DLST: variants seen among roughly 807,000 people sequenced by gnomAD.
DLST encodes the protein dihydrolipoyllysine-residue succinyltransferase component of 2-oxoglutarate dehydrogenase complex, mitochondrial.
DLST carries 17 observed loss-of-function variants against 53.1 expected under a neutral mutation model. The ratio of observed to expected loss-of-function variants is 0.32; its 90% CI spans 0.22 to 0.48. DLST has a LOEUF of 0.48. Among genes scored for constraint, DLST ranks in the 20% least tolerant of loss-of-function variants. The probability of loss-of-function intolerance (pLI) is 0.99; values close to 1 mark genes in which losing one functional copy is unlikely to be tolerated. For synonymous variants in DLST, 206 were observed against 204.8 expected, an observed-to-expected ratio of 1.01 and a Z score of -0.05; for missense variants, 512 against 583.9, an observed-to-expected ratio of 0.88 and a Z score of 1.27.
chr14:74,882,654 T>C (rs1391142924), intron 2 of DLST, 30 bp downstream of exon 2: 5 of 1,611,988 alleles, frequency 3.1e-6, no homozygotes, highest in Non-Finnish European at 3.4e-6. Flanking sequence ...TCACCTAAAA[T>C]GCTCTCCTCC....
chr14:74,882,724 C>A, intron 2 of DLST, 100 bp downstream of exon 2: 1 of 1,102,490 alleles, frequency 9.1e-7, no homozygotes, highest in Non-Finnish European at 1.4e-6. Context: ...TATTTAAAGA[C>A]AGTTTGGTTC....
At chr14:74,886,325 G>C (rs747152267) in intron 3 of DLST, among the ~76,000 whole-genome samples, 104 of 152,278 alleles carry the variant, frequency 6.8e-4, no homozygotes, top group Admixed American at 7.2e-4. Context: ...CACAATGAGG[G>C]TTTTTGTTGT....
intron 10 of DLST, among the ~76,000 whole-genome samples, chr14:74,896,608 A>G (rs1287062561): frequency 6.6e-6 from 1 of 152,148 alleles, no homozygotes; most frequent in Non-Finnish European, 1.5e-5. Context: ...CTGTTGGGAA[A>G]CTTTCCGAAG....
intron 3 of DLST, among the ~76,000 whole-genome samples, chr14:74,886,931 G>A (rs1293344768): frequency 6.6e-6 from 1 of 151,752 alleles, no homozygotes; most frequent in Non-Finnish European, 1.5e-5. Flanking sequence ...TAGAGACGGG[G>A]TTTCATCTTG....
chr14:74,883,224 G>C (rs1366348994), intron 2 of DLST, among the ~76,000 whole-genome samples: 2 of 151,982 alleles, frequency 1.3e-5, no homozygotes, highest in Non-Finnish European at 2.9e-5. Context: ...GAAGCCGGGA[G>C]GCGGAGCTTG....
intron 1 of DLST, among the ~76,000 whole-genome samples, chr14:74,882,293 A>G (rs1331778297): frequency 1.3e-5 from 2 of 151,994 alleles, no homozygotes; most frequent in Non-Finnish European, 2.9e-5. Flanking sequence ...GCCCGTCCAG[A>G]TACTTGACTC....
intron 14 of DLST, 60 bp from the exon 15 acceptor site, chr14:74,902,136 C>T (rs866447932): frequency 1.4e-6 from 2 of 1,468,090 alleles, no homozygotes; most frequent in Non-Finnish European, 1.8e-6. Flanking sequence ...GCTAAATCTC[C>T]TTCAGCGAGG....
chr14:74,898,599 AT>A, intron 11 of DLST, 100 bp downstream of exon 11: 1 of 1,381,190 alleles, frequency 7.2e-7, no homozygotes, highest in Non-Finnish European at 9.7e-7. Flanking sequence ...AAGGCTTTTT[AT>A]TTGCTACCTA....
chr14:74,891,124 A>G lies in DLST; in HGVS notation c.399A>G (p.Lys133=). The change falls in exon 7 of 15, where the codon AAA becomes AAG. Residue 133 remains lysine, a synonymous_variant. Coordinates refer to ENST00000334220, the MANE Select transcript of DLST (RefSeq NM_001933.5). ...CTCTTTTGGTACCTGATGGGGGAAA[A>G]GTCGAAGGAGGCACTCCACTTTTCA... ...IEALLVPDGG[K]VEGGTPLFTL... 1.9e-6 allele frequency: 3 copies of G among 1,614,140 alleles called. No individual in the cohort carries two copies. The highest frequency in any genetic ancestry group is 2.5e-6 in the Non-Finnish European group (3 of 1,180,018).
intron 10 of DLST, among the ~76,000 whole-genome samples, chr14:74,895,469 A>T (rs1166268274): frequency 6.6e-6 from 1 of 152,184 alleles, no homozygotes; most frequent in Non-Finnish European, 1.5e-5. Flanking sequence ...TTCAGTGGGG[A>T]TAGACGCTGG....
At chr14:74,900,876 C>T (rs944933290) in intron 13 of DLST, among the ~76,000 whole-genome samples, 190 bp from the exon 14 acceptor site, 2 of 150,868 alleles carry the variant, frequency 1.3e-5, no homozygotes, top group Admixed American at 1.3e-4. Flanking sequence ...AGGTGTGCAC[C>T]ACCATGCCTG....
At chr14:74,901,937 C>T (rs1044710292) in intron 14 of DLST, among the ~76,000 whole-genome samples, 3 of 151,546 alleles carry the variant, frequency 2.0e-5, no homozygotes, top group South Asian at 2.1e-4. Flanking sequence ...GCAGCAGATG[C>T]GTTAGAGGGC....
chr14:74,899,208 C>T (rs1594881500), intron 11 of DLST, among the ~76,000 whole-genome samples: 1 of 151,998 alleles, frequency 6.6e-6, no homozygotes, highest in Non-Finnish European at 1.5e-5. Flanking sequence ...TCCCATTCTT[C>T]TCATGCCTCC....
At chr14:74,882,313 G>A (rs767710090) in intron 1 of DLST, among the ~76,000 whole-genome samples, 1 of 152,226 alleles carries the variant, frequency 6.6e-6, no homozygotes, top group Non-Finnish European at 1.5e-5. Flanking sequence ...CAGAGTTAGG[G>A]AGGAGGCGCG....
At chr14:74,891,621 G>A (rs1883910363) in intron 7 of DLST, 1 of 986,080 alleles carries the variant, frequency 1.0e-6, no homozygotes, top group African/African-American at 1.7e-5. Context: ...CATATCTCTA[G>A]GAAGGGTTGG....
At position 74,891,058 on chromosome 14, in the gene DLST, A is replaced by G; in HGVS notation, c.333A>G (p.Thr111=). ...CTCCATCTGTCTTCCTCTTCCAGACATCTGTGCAGGTTCCATCACCAGCAA... is the reference window on the plus strand; with the variant it reads ...CTCCATCTGTCTTCCTCTTCCAGACGTCTGTGCAGGTTCCATCACCAGCAA... The part of the protein sequence containing the change: ...EVVCEIETDK[T]SVQVPSPANG... The change falls in exon 7 of 15, where the codon ACA becomes ACG. Residue 111 remains threonine, a splice_region_variant and synonymous_variant. Coordinates refer to ENST00000334220, the MANE Select transcript of DLST (RefSeq NM_001933.5). 1 of 1,610,780 alleles carries G rather than the reference A, an allele frequency of 6.2e-7. No individual in the cohort carries two copies. Among genetic ancestry groups the G allele is most frequent in the South Asian group, 1.1e-5 (1 of 90,954 alleles).
chr14:74,891,201 G>A (rs1883895017), intron 7 of DLST, 34 bp downstream of exon 7: 16 of 1,613,648 alleles, frequency 9.9e-6, no homozygotes, highest in Non-Finnish European at 1.4e-5. Context: ...AAGGTCTCCA[G>A]TGTTCCCTCT....
chr14:74,893,367 T>C lies in DLST; in HGVS notation c.615T>C (p.Thr205=). The change falls in exon 9 of 15, where the codon ACT becomes ACC. Residue 205 remains threonine (T), a synonymous_variant. Coordinates refer to ENST00000334220, the MANE Select transcript of DLST (RefSeq NM_001933.5). Reference sequence around the variant, plus strand: ...TTTCAGTGTCTGCAGTAAAACCCACTGTTGCCCCACCACTAGCTGAGCCAG... The same window carrying C: ...TTTCAGTGTCTGCAGTAAAACCCACCGTTGCCCCACCACTAGCTGAGCCAG... ...SGKPVSAVKP[T]VAPPLAEPGA... is the part of the protein sequence containing the mutation. 4 of 1,614,226 alleles carry C rather than the reference T, an allele frequency of 2.5e-6. No individual in the cohort carries two copies. Among genetic ancestry groups the C allele is most frequent in the African/African-American group, 1.3e-5 (1 of 75,064 alleles).
intron 3 of DLST, among the ~76,000 whole-genome samples, chr14:74,886,763 A>G (rs1883718135): frequency 6.6e-6 from 1 of 151,776 alleles, no homozygotes; most frequent in Admixed American, 6.6e-5. Context: ...TTTTTTCAAG[A>G]TGGAGTCTTG....
Sources: allele counts gnomAD v4.1 joint callset (sites outside exome capture counted in the v4.1 genomes callset), GRCh38; gene constraint gnomAD v4.1.1; transcripts MANE v1.5; gene names NCBI Gene and HGNC (gene_info 2026-07-23, HGNC 2026-07-21).